Variants in CEMIP observed in about 807,000 individuals in gnomAD.
The protein encoded by CEMIP is cell migration inducing hyaluronidase 1, also known as cell migration-inducing and hyaluronan-binding protein.
Under a neutral mutation model 156.9 loss-of-function variants are expected in CEMIP, and 105 were observed. The ratio of observed to expected loss-of-function variants is 0.67; its 90% CI spans 0.57 to 0.79. The LOEUF is 0.79. Among genes scored for constraint, CEMIP ranks in the 30% least tolerant of loss-of-function variants. The pLI is 0.00. For missense variants in CEMIP, 1,457 were observed against 1,769.4 expected, an observed-to-expected ratio of 0.82 and a Z score of 3.17; for synonymous variants, 676 against 668.4, an observed-to-expected ratio of 1.01 and a Z score of -0.17.
chr15:80,814,043 C>CTTTTT lies in CEMIP; in HGVS notation c.-176+34450_-176+34454dup, dbSNP rs778309859. 6.0e-3 allele frequency among the ~76,000 whole-genome samples: 439 copies of CTTTTT among 73,752 alleles called. 11 individuals are homozygous for CTTTTT. Among genetic ancestry groups the CTTTTT allele is most frequent in the East Asian group, 0.012 (28 of 2,242 alleles). 48.4% of individuals were successfully genotyped at this position (73,752 alleles called of 152,430 possible). A position where few individuals can be genotyped will look rare whatever the true frequency, so the allele number is the denominator to read the frequency against. ...AAAGGATAAAGTCCAAACTCTTTGG[C>CTTTTT]TTTTTTTTTTTTTTTTTTTTTTTTT... On this transcript the variant is annotated intron_variant, in intron 1 of 29. Coordinates refer to ENST00000394685, the MANE Select transcript of CEMIP (RefSeq NM_001293298.2).
intron 1 of CEMIP, among the ~76,000 whole-genome samples, chr15:80,841,797 T>C (rs1199431720): frequency 2.0e-5 from 3 of 152,254 alleles, no homozygotes; most frequent in East Asian, 3.9e-4. Flanking sequence ...CAACATTGCA[T>C]ATGGGGAAAG....
At chr15:80,946,011 T>C (rs1261260438) in intron 28 of CEMIP, among the ~76,000 whole-genome samples, 3 of 152,224 alleles carry the variant, frequency 2.0e-5, no homozygotes, top group Admixed American at 6.5e-5. Context: ...GTAGGTCCTC[T>C]GAGATACTTG....
chr15:80,847,904 T>C (rs1364786354), intron 1 of CEMIP, among the ~76,000 whole-genome samples: 1 of 152,182 alleles, frequency 6.6e-6, no homozygotes, highest in African/African-American at 2.4e-5. Flanking sequence ...GATGCTCGAC[T>C]CTTCCTGAGA....
At chr15:80,889,641 G>C (rs752930281) in intron 10 of CEMIP, 49 bp downstream of exon 10, 1 of 1,608,562 alleles carries the variant, frequency 6.2e-7, no homozygotes, top group Non-Finnish European at 8.5e-7. Context: ...TTGTTTTGAA[G>C]AAGACTCTAT....
chr15:80,881,188 T>A, intron 6 of CEMIP, 52 bp downstream of exon 6: 3 of 1,485,580 alleles, frequency 2.0e-6, no homozygotes, highest in Non-Finnish European at 9.4e-7. Flanking sequence ...AGTACACTTA[T>A]TGAGTGTGCT....
At chr15:80,947,226 G>C in intron 29 of CEMIP, 161 bp downstream of exon 29, 2 of 615,066 alleles carry the variant, frequency 3.3e-6, no homozygotes, top group Non-Finnish European at 6.0e-6. Flanking sequence ...TACTGGAATG[G>C]ATGGGCAAGA....
intron 1 of CEMIP, among the ~76,000 whole-genome samples, chr15:80,800,333 G>C (rs1896344919): frequency 1.3e-5 from 2 of 152,132 alleles, no homozygotes; most frequent in Admixed American, 6.6e-5. Context: ...TGCCGAGAGA[G>C]CAGGTCTCAT....
At chr15:80,858,391 C>A (rs12911657) in intron 1 of CEMIP, among the ~76,000 whole-genome samples, 1 of 152,084 alleles carries the variant, frequency 6.6e-6, no homozygotes, top group South Asian at 2.1e-4. Context: ...ATTAAATAAA[C>A]GCTTTATGAG....
intron 1 of CEMIP, among the ~76,000 whole-genome samples, chr15:80,792,656 A>G (rs1233612655): frequency 6.6e-6 from 1 of 152,214 alleles, no homozygotes; most frequent in Non-Finnish European, 1.5e-5. Context: ...CAGACACTGT[A>G]TGTAGAGATG....
intron 12 of CEMIP, among the ~76,000 whole-genome samples, chr15:80,904,641 C>T (rs969707340): frequency 6.6e-6 from 1 of 152,072 alleles, no homozygotes; most frequent in African/African-American, 2.4e-5. Context: ...ATGACAGGGG[C>T]AGCGACTGGA....
At chr15:80,941,731 A>G (rs1295078728) in intron 25 of CEMIP, 118 bp from the exon 26 acceptor site, 1 of 877,500 alleles carries the variant, frequency 1.1e-6, no homozygotes, top group Non-Finnish European at 1.9e-6. Flanking sequence ...GTTCCATTCT[A>G]TAAGGCCGCT....
intron 1 of CEMIP, among the ~76,000 whole-genome samples, chr15:80,818,201 A>C (rs902796352): frequency 3.9e-5 from 6 of 152,234 alleles, no homozygotes; most frequent in African/African-American, 1.4e-4. Context: ...ACTGTCTCTC[A>C]CAGTCATGCA....
intron 14 of CEMIP, among the ~76,000 whole-genome samples, chr15:80,912,820 T>G (rs1439679609): frequency 6.6e-6 from 1 of 152,164 alleles, no homozygotes; most frequent in Non-Finnish European, 1.5e-5. Flanking sequence ...TCATTTTGGC[T>G]TGAAGGATTT....
At chr15:80,834,310 G>A (rs1369944058) in intron 1 of CEMIP, among the ~76,000 whole-genome samples, 1 of 152,198 alleles carries the variant, frequency 6.6e-6, no homozygotes, top group East Asian at 1.9e-4. Flanking sequence ...AGTTCTTAGT[G>A]TAGTCCAGTT....
At chr15:80,868,486 C>T (rs1898189945) in intron 1 of CEMIP, among the ~76,000 whole-genome samples, 1 of 152,198 alleles carries the variant, frequency 6.6e-6, no homozygotes, top group Non-Finnish European at 1.5e-5. Context: ...CCTACCGAAT[C>T]AGAATCTGCA....
intron 14 of CEMIP, chr15:80,909,790 T>C (rs1413716527): frequency 2.7e-6 from 1 of 366,736 alleles, no homozygotes; most frequent in Non-Finnish European, 5.4e-6. Flanking sequence ...AATTGGCATG[T>C]GTATCAGAGG....
chr15:80,858,177 A>T (rs921395914), intron 1 of CEMIP, among the ~76,000 whole-genome samples: 1 of 152,088 alleles, frequency 6.6e-6, no homozygotes, highest in Admixed American at 6.5e-5. Context: ...TCTGTGGAAG[A>T]TGGATTGGGA....
chr15:80,944,385 G>C (rs1430068702), intron 28 of CEMIP, among the ~76,000 whole-genome samples: 1 of 152,104 alleles, frequency 6.6e-6, no homozygotes, highest in Non-Finnish European at 1.5e-5. Flanking sequence ...TCAATGTTGG[G>C]GCCATGTCTA....
intron 1 of CEMIP, among the ~76,000 whole-genome samples, chr15:80,826,328 G>A (rs1443816408): frequency 6.6e-6 from 1 of 152,124 alleles, no homozygotes; most frequent in Non-Finnish European, 1.5e-5. Flanking sequence ...CCGCCTTCCT[G>A]GTGCATAGTA....
Sources: gnomAD v4.1 joint callset for allele counts (sites outside exome capture counted in the v4.1 genomes callset) on GRCh38, gnomAD v4.1.1 for gene constraint, MANE v1.5 for transcripts, NCBI Gene and HGNC (gene_info 2026-07-23, HGNC 2026-07-21) for gene names.